The following SIK3 variants were observed in gnomAD, a reference collection of about 807,000 sequenced individuals.
The protein encoded by SIK3 is SIK family kinase 3.
In SIK3, 28 loss-of-function variants were observed where a neutral mutation model predicts 144.2. The ratio of observed to expected loss-of-function variants is 0.19; its 90% confidence interval spans 0.14 to 0.27. The LOEUF (loss-of-function observed/expected upper bound fraction) is 0.27, where lower values mean the gene tolerates loss of function less well. Among genes scored for constraint, SIK3 ranks in the 10% least tolerant of loss-of-function variants. SIK3 has a pLI of 1.00. For missense variants in SIK3, 1,319 were observed against 1,776.0 expected, an observed-to-expected ratio of 0.74 and a Z score of 4.62; for synonymous variants, 686 against 676.3, an observed-to-expected ratio of 1.01 and a Z score of -0.22.
intron 1 of SIK3, among the ~76,000 whole-genome samples, chr11:116,959,158 C>T (rs1184047372): frequency 1.3e-5 from 2 of 152,030 alleles, no homozygotes; most frequent in African/African-American, 4.8e-5. Context: ...GGTGAAACCC[C>T]ATCTCTACTA....
At chr11:117,068,125 G>A (rs1954098521) in intron 1 of SIK3, among the ~76,000 whole-genome samples, 1 of 152,112 alleles carries the variant, frequency 6.6e-6, no homozygotes, top group African/African-American at 2.4e-5. Context: ...CTATGCAAAA[G>A]CCTGCAACTA....
intron 1 of SIK3, among the ~76,000 whole-genome samples, chr11:116,994,426 T>C (rs1398210058): frequency 2.0e-5 from 3 of 152,234 alleles, no homozygotes; most frequent in African/African-American, 7.2e-5. Flanking sequence ...ACTGCTCTAC[T>C]CCTTCCTCGT....
intron 5 of SIK3, 79 bp downstream of exon 5, chr11:116,897,114 G>T: frequency 1.2e-5 from 16 of 1,378,600 alleles, no homozygotes; most frequent in East Asian, 2.7e-5. Context: ...GCATCATTAT[G>T]TATCCTTCAG....
At chr11:116,859,190 C>T in intron 20 of SIK3, 75 bp downstream of exon 20, 1 of 1,373,202 alleles carries the variant, frequency 7.3e-7, no homozygotes, top group Non-Finnish European at 1.0e-6. Context: ...CCCTCCTTTT[C>T]TCTCACTCTG....
rs34259048 is a variant in SIK3, at chr11:117,066,534, C to CTTT, written c.273+31606_273+31608dup. Among the ~76,000 whole-genome samples, 52 of 131,032 alleles carry CTTT rather than the reference C, an allele frequency of 4.0e-4. 1 individual carries two copies. Among genetic ancestry groups the CTTT allele is most frequent in the African/African-American group, 1.2e-3 (45 of 36,298 alleles). The allele number at this position is 131,032 out of a possible 152,430, so 86.0% of individuals were successfully genotyped here. A position where few individuals can be genotyped will look rare whatever the true frequency, so the allele number is the denominator to read the frequency against. ...AATATTCAACTATAAAGAAACAATC[C>CTTT]TTTTTTTTTTTTTTTTGGAAAGACA... On this transcript the variant is annotated intron_variant, in intron 1 of 24. Transcript: ENST00000445177.
rs115963647 is a variant in SIK3, at chr11:117,097,010, T to C, written c.273+1133A>G. The stretch of plus-strand genomic sequence containing the variant: ...TGAATGACTACATTAAAAGTATTCA[T>C]TCAAGTAAGATATTGAGCAAAGAAA... On this transcript the variant is annotated intron_variant, in intron 1 of 24. Transcript: ENST00000445177. 7.0e-3 allele frequency among the ~76,000 whole-genome samples: 1,061 copies of C among 152,246 alleles called. 12 individuals carry two copies. Among genetic ancestry groups the C allele is most frequent in the African/African-American group, 0.024 (986 of 41,528 alleles).
At chr11:116,958,814 C>T (rs1163793874) in intron 1 of SIK3, among the ~76,000 whole-genome samples, 1 of 152,170 alleles carries the variant, frequency 6.6e-6, no homozygotes. Context: ...CATTACTGCA[C>T]CAGATCACAT....
Position 117,063,105 on chromosome 11 carries a change from T to C in SIK3, c.273+35038A>G, listed in dbSNP as rs145809599. Among the ~76,000 whole-genome samples the C allele has an allele frequency of 1.8e-3, 279 of 152,344 alleles. No individual in the cohort carries two copies. In the Middle Eastern group the frequency reaches 0.027, roughly 15 times the overall value. On this transcript the variant is annotated intron_variant, in intron 1 of 24. Coordinates refer to ENST00000445177, the MANE Select transcript of SIK3 (RefSeq NM_001366686.3). ...ACTTAAAGGGGTTTCTTACTCCTTG[T>C]ACAATATTTAAAAGAATGTATTACA... is the stretch of plus-strand genomic sequence containing the variant.
At chr11:116,975,384 C>A (rs1183804702) in intron 1 of SIK3, among the ~76,000 whole-genome samples, 3 of 152,102 alleles carry the variant, frequency 2.0e-5, no homozygotes, top group African/African-American at 7.2e-5. Context: ...CCTCCACCAG[C>A]CCTAGGCAAC....
In SIK3 at chr11:116,999,495, T is replaced by C. The variant is rs978831222; in HGVS notation, c.274-42431A>G. Among the ~76,000 whole-genome samples, 22 of 152,262 alleles carry C rather than the reference T, an allele frequency of 1.4e-4. 3 individuals carry two copies. The highest frequency in any genetic ancestry group is 1.4e-3 in the Admixed American group (21 of 15,284). Reference sequence around the variant, plus strand: ...ACTATTGAATTTAGATGGACACCTGTTTGCATCAGTTTGAAGTGCAACATA... The same window carrying C: ...ACTATTGAATTTAGATGGACACCTGCTTGCATCAGTTTGAAGTGCAACATA... On this transcript the variant is annotated intron_variant, in intron 1 of 24. Coordinates refer to ENST00000445177, the MANE Select transcript of SIK3 (RefSeq NM_001366686.3).
At position 116,859,579 on chromosome 11, in the gene SIK3, T is replaced by C; in HGVS notation, c.2451A>G (p.Gln817=). 6.2e-7 allele frequency: 1 copy of C among 1,613,960 alleles called. No individual in the cohort carries two copies. The highest frequency in any genetic ancestry group is 1.1e-5 in the South Asian group (1 of 91,074). ...PHGAASSSQF[Q]GLPSRSAIFQ... ...AGATTGCACTGCGGGAAGGTAAGCCTTGAAACTGGGAAGAAGATGCAGCCC... is the reference window on the plus strand; with the variant it reads ...AGATTGCACTGCGGGAAGGTAAGCCCTGAAACTGGGAAGAAGATGCAGCCC... Residue 817 remains glutamine (Q), a synonymous_variant, in exon 20 of 25, where the codon CAA becomes CAG. Coordinates refer to ENST00000445177, the MANE Select transcript of SIK3 (RefSeq NM_001366686.3).
At chr11:116,941,295 C>T (rs1037031412) in intron 3 of SIK3, among the ~76,000 whole-genome samples, 8 of 151,958 alleles carry the variant, frequency 5.3e-5, no homozygotes, top group African/African-American at 9.7e-5. Context: ...CGTGAGCCAC[C>T]GCGCCTGGCC....
chr11:116,900,709 G>T (rs1341323705), intron 4 of SIK3, among the ~76,000 whole-genome samples: 2 of 151,976 alleles, frequency 1.3e-5, no homozygotes, highest in Non-Finnish European at 2.9e-5. Context: ...TCATTTTCAA[G>T]GCCCAGTCAA....
chr11:116,867,721 T>A lies in SIK3; in HGVS notation c.1952+225A>T. ...GAATCAAATGCAGACAATAAACAGG[T>A]CTGCAAGGTAATGGGAGAGAGGAAT... On this transcript the variant is annotated intron_variant, in intron 15 of 24. Transcript: ENST00000445177. This position sits in a 1 kb window ranked among gnomAD's most constrained non-coding sequence, Gnocchi z 4.1. The A allele has an allele frequency of 2.5e-6, 1 of 407,972 alleles. No homozygotes were observed. The highest frequency in any genetic ancestry group is 6.3e-4 in the Middle Eastern group (1 of 1,600). The allele number at this position is 407,972 out of a possible 1,614,324, so 25.3% of individuals were successfully genotyped here.
chr11:116,871,637 G>A (rs1354336703), intron 13 of SIK3, among the ~76,000 whole-genome samples: 2 of 152,098 alleles, frequency 1.3e-5, no homozygotes, highest in African/African-American at 2.4e-5. Context: ...TTAGGATGCC[G>A]TGGTGTTCAT....
rs145224624 is a variant in SIK3 at position 117,052,326 on chromosome 11, T to C, written c.273+45817A>G. 2.1e-3 allele frequency among the ~76,000 whole-genome samples: 313 copies of C among 152,246 alleles called. 3 individuals carry two copies. Among genetic ancestry groups the C allele is most frequent in the African/African-American group, 7.0e-3 (292 of 41,550 alleles). ...TTTATAAATATTAATATCATAGCAGTAGGCAGGAGAGACTGCAGCGAACCT... is the reference window on the plus strand; with the variant it reads ...TTTATAAATATTAATATCATAGCAGCAGGCAGGAGAGACTGCAGCGAACCT... On this transcript the variant is annotated intron_variant, in intron 1 of 24. Transcript: ENST00000445177.
At chr11:117,009,223 A>G (rs1371464868) in intron 1 of SIK3, among the ~76,000 whole-genome samples, 1 of 140,646 alleles carries the variant, frequency 7.1e-6, no homozygotes, top group Non-Finnish European at 1.5e-5. Context: ...ACAGAGTGAG[A>G]CACTGTCTCA....
chr11:116,951,973 A>AATAC (rs893519136), intron 3 of SIK3, among the ~76,000 whole-genome samples: 7 of 149,382 alleles, frequency 4.7e-5, no homozygotes, highest in African/African-American at 1.8e-4. Flanking sequence ...TAAATAAATA[A>AATAC]ATAAATAAAT....
At chr11:117,042,226 A>C (rs2135861547) in intron 1 of SIK3, among the ~76,000 whole-genome samples, 1 of 152,330 alleles carries the variant, frequency 6.6e-6, no homozygotes, top group East Asian at 1.9e-4. Flanking sequence ...CTAAACCCAC[A>C]GTGCTCTCAA....
Sources: allele counts gnomAD v4.1 joint callset (sites outside exome capture counted in the v4.1 genomes callset), GRCh38; gene constraint gnomAD v4.1.1; non-coding constraint Gnocchi (gnomAD v3.1); transcripts MANE v1.5; gene names NCBI Gene and HGNC (gene_info 2026-07-23, HGNC 2026-07-21).